Variants in CDH13 observed in about 807,000 individuals in gnomAD.
CDH13 encodes cadherin 13.
In CDH13, 24 loss-of-function variants were observed where a neutral mutation model predicts 63.8. That is an observed-to-expected ratio of 0.38 (90% CI 0.27 to 0.53). The LOEUF is 0.53. CDH13 is among the 20% of genes least tolerant of loss of function. The pLI, the probability that CDH13 is intolerant of heterozygous loss-of-function variation, is 0.85. For missense variants in CDH13, 1,049 were observed against 903.1 expected, an observed-to-expected ratio of 1.16 and a Z score of -2.07; for synonymous variants, 503 against 355.3, an observed-to-expected ratio of 1.42 and a Z score of -4.67.
At chr16:83,427,327 T>A (rs764717379) in intron 6 of CDH13, among the ~76,000 whole-genome samples, 1 of 152,056 alleles carries the variant, frequency 6.6e-6, no homozygotes, top group Non-Finnish European at 1.5e-5. Context: ...ATCAGAAGTG[T>A]CCTTACAAGA....
intron 11 of CDH13, among the ~76,000 whole-genome samples, chr16:83,761,463 C>T (rs889864097): frequency 2.0e-5 from 3 of 152,156 alleles, no homozygotes; most frequent in African/African-American, 4.8e-5. Flanking sequence ...CTGAGAGAGA[C>T]TCCAGCGCAG....
intron 11 of CDH13, among the ~76,000 whole-genome samples, chr16:83,751,241 C>G (rs894486625): frequency 6.6e-6 from 1 of 152,200 alleles, no homozygotes; most frequent in Non-Finnish European, 1.5e-5. Context: ...GCTCCACATG[C>G]TATGCCATGG....
chr16:83,105,938 G>A (rs1665526375), intron 3 of CDH13, among the ~76,000 whole-genome samples: 1 of 152,216 alleles, frequency 6.6e-6, no homozygotes, highest in Non-Finnish European at 1.5e-5. Context: ...AGACAGTGTG[G>A]CATGTTTGGG....
chr16:83,308,093 T>G (rs2089919907), intron 5 of CDH13, among the ~76,000 whole-genome samples: 1 of 152,214 alleles, frequency 6.6e-6, no homozygotes, highest in Non-Finnish European at 1.5e-5. Context: ...TTCTTAAATA[T>G]GTTGTGCGGG....
At chr16:83,151,350 C>G (rs2036971410) in intron 4 of CDH13, among the ~76,000 whole-genome samples, 1 of 152,160 alleles carries the variant, frequency 6.6e-6, no homozygotes, top group Non-Finnish European at 1.5e-5. Context: ...ATTTGTGCTG[C>G]TTCTTCTGTC....
chr16:83,612,343 G>A (rs1908934021), intron 8 of CDH13, among the ~76,000 whole-genome samples: 1 of 151,732 alleles, frequency 6.6e-6, no homozygotes, highest in Non-Finnish European at 1.5e-5. Flanking sequence ...CTTTTGGTCA[G>A]TGTCATCATG....
intron 5 of CDH13, among the ~76,000 whole-genome samples, chr16:83,277,381 G>C (rs77359183): frequency 0.026 from 3,973 of 152,162 alleles, 167 homozygotes; most frequent in African/African-American, 0.083. Context: ...ACCATACTCC[G>C]AACCTACTGA....
intron 5 of CDH13, among the ~76,000 whole-genome samples, chr16:83,251,387 A>G (rs1905511882): frequency 6.6e-6 from 1 of 152,208 alleles, no homozygotes; most frequent in Non-Finnish European, 1.5e-5. Flanking sequence ...GCATTGCCCC[A>G]TTTTAAAGAG....
At chr16:83,004,005 C>A (rs1416450289) in intron 2 of CDH13, among the ~76,000 whole-genome samples, 1 of 152,110 alleles carries the variant, frequency 6.6e-6, no homozygotes, top group Non-Finnish European at 1.5e-5. Context: ...TCAAGACAAT[C>A]GAATGTGTCA....
intron 2 of CDH13, among the ~76,000 whole-genome samples, chr16:82,875,978 A>C (rs578047944): frequency 2.6e-5 from 4 of 152,340 alleles, no homozygotes; most frequent in South Asian, 4.1e-4. Context: ...TGGAGGAGCA[A>C]GTTACGTCTT....
chr16:82,840,684 CAA>C (rs753429857), intron 1 of CDH13, among the ~76,000 whole-genome samples: 15 of 86,712 alleles, frequency 1.7e-4, no homozygotes, highest in African/African-American at 1.9e-4. Context: ...GAATCCATCT[CAA>C]AAAAAAAAAA....
At chr16:83,335,625 G>C (rs776281906) in intron 5 of CDH13, among the ~76,000 whole-genome samples, 1 of 152,124 alleles carries the variant, frequency 6.6e-6, no homozygotes, top group Non-Finnish European at 1.5e-5. Context: ...GCAAGCAGAC[G>C]GCCCAGCGCC....
intron 4 of CDH13, among the ~76,000 whole-genome samples, chr16:83,216,928 A>T (rs1300734329): frequency 2.0e-5 from 3 of 152,130 alleles, no homozygotes; most frequent in Non-Finnish European, 4.4e-5. Flanking sequence ...ATTAGTGGAT[A>T]TATGTAAATA....
chr16:83,305,783 A>G (rs139031180), intron 5 of CDH13, among the ~76,000 whole-genome samples: 9 of 152,332 alleles, frequency 5.9e-5, no homozygotes, highest in African/African-American at 2.2e-4. Context: ...TGGTGAACAG[A>G]TATTATACTG....
chr16:83,779,713 C>G (rs1200370387), intron 11 of CDH13, among the ~76,000 whole-genome samples: 1 of 151,966 alleles, frequency 6.6e-6, no homozygotes, highest in Admixed American at 6.6e-5. Context: ...ATAAAGTTAG[C>G]CAGGTGTGGT....
At chr16:82,825,199 C>G (rs555661893) in intron 1 of CDH13, 1 of 152,250 alleles carries the variant, frequency 6.6e-6, no homozygotes, top group Non-Finnish European at 1.5e-5. Flanking sequence ...TCTTCTTTTT[C>G]CAAGGGCTTT....
chr16:83,023,758 A>T (rs942301224), intron 2 of CDH13, among the ~76,000 whole-genome samples: 4 of 152,218 alleles, frequency 2.6e-5, no homozygotes, highest in African/African-American at 9.6e-5. Flanking sequence ...AAAGTCAATA[A>T]CATGAAACAC....
At chr16:82,883,570 G>A (rs899736159) in intron 2 of CDH13, among the ~76,000 whole-genome samples, 2 of 152,212 alleles carry the variant, frequency 1.3e-5, no homozygotes, top group African/African-American at 2.4e-5. Context: ...TTTGTCTCCT[G>A]TTAGTCTAGA....
intron 7 of CDH13, among the ~76,000 whole-genome samples, chr16:83,573,612 C>T (rs1437397224): frequency 2.0e-5 from 3 of 152,114 alleles, no homozygotes; most frequent in Admixed American, 1.3e-4. Flanking sequence ...ATAATTGATA[C>T]AATTTGCCAT....
Sources: gnomAD v4.1 joint callset for allele counts (sites outside exome capture counted in the v4.1 genomes callset) on GRCh38, gnomAD v4.1.1 for gene constraint, MANE v1.5 for transcripts, NCBI Gene and HGNC (gene_info 2026-07-23, HGNC 2026-07-21) for gene names.